The following SYN2 variants were observed in gnomAD, a reference collection of about 807,000 sequenced individuals.
The protein encoded by SYN2 is synapsin II.
In SYN2, 19 loss-of-function variants were observed where a neutral mutation model predicts 50.9. That is an observed-to-expected ratio of 0.37 (90% CI 0.26 to 0.55). SYN2 has a LOEUF of 0.55. Among genes scored for constraint, SYN2 ranks in the 20% least tolerant of loss-of-function variants. SYN2 has a pLI of 0.81. For synonymous variants in SYN2, 255 were observed against 224.9 expected (o/e 1.13, Z -1.20); for missense variants, 587 against 576.4 (o/e 1.02, Z -0.19).
intron 10 of SYN2, among the ~76,000 whole-genome samples, chr3:12,176,721 A>C (rs1457146748): frequency 2.0e-5 from 3 of 152,230 alleles, no homozygotes; most frequent in Non-Finnish European, 2.9e-5. Flanking sequence ...AATCTATGTT[A>C]TGAGTAAAAG....
At chr3:12,185,248 G>C (rs750865326) in intron 11 of SYN2, 1 of 985,708 alleles carries the variant, frequency 1.0e-6, no homozygotes, top group Non-Finnish European at 1.2e-6. Flanking sequence ...TCCCAGAATG[G>C]AGGAATACAT....
chr3:12,011,642 A>AG (rs1693913646), intron 1 of SYN2, among the ~76,000 whole-genome samples: 1 of 152,196 alleles, frequency 6.6e-6, no homozygotes. Flanking sequence ...AAACAATGTG[A>AG]GATACAGGAT....
intron 10 of SYN2, among the ~76,000 whole-genome samples, chr3:12,176,149 G>A (rs563822977): frequency 3.5e-4 from 53 of 152,102 alleles, no homozygotes; most frequent in Non-Finnish European, 4.0e-4. Flanking sequence ...TGACTTTAGG[G>A]GTCTCTTGTC....
intron 1 of SYN2, among the ~76,000 whole-genome samples, chr3:12,126,137 G>GAAACAAT (rs1407821833): frequency 6.6e-6 from 1 of 152,190 alleles, no homozygotes. Context: ...GGAAACTGGG[G>GAAACAAT]AAACAATATT....
intron 1 of SYN2, among the ~76,000 whole-genome samples, chr3:12,080,947 G>A (rs562375038): frequency 1.3e-5 from 2 of 152,130 alleles, no homozygotes; most frequent in Admixed American, 1.3e-4. Context: ...TGAAAGAAAA[G>A]TGTTAACAAT....
At position 12,154,237 on chromosome 3, in the gene SYN2, T is replaced by C. The variant is rs1004601194; in HGVS notation, c.774+2911T>C. The C allele has an allele frequency of 1.9e-5, 30 of 1,567,784 alleles. No homozygotes were observed. In the African/African-American group the frequency reaches 3.4e-4, roughly 18 times the overall value. ...CTTCATACAGTGCAGATCTCAAGTA[T>C]AGTCTAGTAAGTGAATAAATTCATG... On this transcript the variant is annotated intron_variant, in intron 5 of 12. Transcript: ENST00000621198.
chr3:12,163,842 C>T lies in SYN2; in HGVS notation c.980+1688C>T, dbSNP rs531197985. On this transcript the variant is annotated intron_variant, in intron 7 of 12. Transcript: ENST00000621198. ...CTGTAATCCCAGCAGTTTGGGAGGC[C>T]GAGGCAGGCAGATTGCTTGAGCCTA... Among the ~76,000 whole-genome samples the T allele has an allele frequency of 7.0e-4, 107 of 152,042 alleles. 1 individual carries two copies. In the South Asian group the frequency reaches 0.019, roughly 27 times the overall value.
chr3:12,048,052 T>G (rs1025982947), intron 1 of SYN2, among the ~76,000 whole-genome samples: 3 of 152,206 alleles, frequency 2.0e-5, no homozygotes, highest in Non-Finnish European at 4.4e-5. Context: ...GCCCATTGTT[T>G]GTTTCTAGGG....
At chr3:12,077,997 T>C (rs1295511701) in intron 1 of SYN2, among the ~76,000 whole-genome samples, 1 of 152,198 alleles carries the variant, frequency 6.6e-6, no homozygotes, top group African/African-American at 2.4e-5. Flanking sequence ...TTCTTGACTT[T>C]TTAATAATCG....
intron 1 of SYN2, among the ~76,000 whole-genome samples, chr3:12,045,751 G>C (rs1020093118): frequency 3.9e-5 from 6 of 152,108 alleles, no homozygotes; most frequent in Non-Finnish European, 8.8e-5. Flanking sequence ...CTGTGGAGTG[G>C]GAGTACTGCA....
intron 11 of SYN2, chr3:12,183,775 T>G: frequency 9.2e-7 from 1 of 1,090,828 alleles, no homozygotes. Flanking sequence ...ATATATAATG[T>G]GGGGTGAAAT....
chr3:12,191,849 G>C lies in SYN2; in HGVS notation c.*1224G>C, dbSNP rs1171347911. On this transcript the variant is annotated 3_prime_UTR_variant, in exon 13 of 13. Coordinates refer to ENST00000621198, the MANE Select transcript of SYN2 (RefSeq NM_133625.6). Reference sequence around the variant, plus strand: ...TGGACCAACCTGCTCTGACAACCAGGCTCCCACAGATCTCAACGAAGGCAT... The same window carrying C: ...TGGACCAACCTGCTCTGACAACCAGCCTCCCACAGATCTCAACGAAGGCAT... Among the ~76,000 whole-genome samples the C allele has an allele frequency of 6.6e-6, 1 of 152,084 alleles. No homozygotes were observed. Among genetic ancestry groups the C allele is most frequent in the African/African-American group, 2.4e-5 (1 of 41,388 alleles).
intron 1 of SYN2, among the ~76,000 whole-genome samples, chr3:12,121,296 A>G (rs974970785): frequency 1.3e-5 from 2 of 152,208 alleles, no homozygotes; most frequent in African/African-American, 4.8e-5. Flanking sequence ...CAGCATTCCT[A>G]GAACATCTGT....
chr3:12,173,868 C>T (rs61341790), intron 10 of SYN2, among the ~76,000 whole-genome samples: 5,187 of 151,994 alleles, frequency 0.034, 272 homozygotes, highest in African/African-American at 0.12. Context: ...GAGCCGAGAT[C>T]GTACCAGTGC....
chr3:12,153,755 T>C, intron 5 of SYN2: 2 of 1,601,890 alleles, frequency 1.2e-6, no homozygotes, highest in Non-Finnish European at 1.7e-6. Context: ...TAGGGTGTCC[T>C]TCTTTTTCCA....
At chr3:12,070,934 C>T (rs1695338539) in intron 1 of SYN2, 1 of 554,530 alleles carries the variant, frequency 1.8e-6, no homozygotes, top group Admixed American at 1.9e-5. Context: ...GCCGCATCCT[C>T]CTCCTCTCTG....
At chr3:12,176,495 T>G (rs1574888312) in intron 10 of SYN2, among the ~76,000 whole-genome samples, 1 of 152,162 alleles carries the variant, frequency 6.6e-6, no homozygotes, top group African/African-American at 2.4e-5. Context: ...GGCTGGTGGG[T>G]TAGACCCATG....
intron 11 of SYN2, chr3:12,183,782 A>C: frequency 9.3e-7 from 1 of 1,080,098 alleles, no homozygotes; most frequent in Non-Finnish European, 1.1e-6. Flanking sequence ...ATGTGGGGTG[A>C]AATGGGAGTA....
chr3:12,099,975 G>GAAA (rs376887129), intron 1 of SYN2, among the ~76,000 whole-genome samples: 15 of 120,198 alleles, frequency 1.2e-4, no homozygotes, highest in South Asian at 8.0e-4. Context: ...AAAAAAAAAA[G>GAAA]AAAAAAAAAA....
Sources: gnomAD v4.1 joint callset for allele counts (sites outside exome capture counted in the v4.1 genomes callset) on GRCh38, gnomAD v4.1.1 for gene constraint, MANE v1.5 for transcripts, NCBI Gene and HGNC (gene_info 2026-07-23, HGNC 2026-07-21) for gene names.